The following PTPRA variants were observed in gnomAD, a reference collection of about 807,000 sequenced individuals.
The protein encoded by PTPRA is protein tyrosine phosphatase receptor type A.
A neutral mutation model predicts 104.8 loss-of-function variants in PTPRA; 25 were observed. The observed-to-expected ratio is 0.24, with a 90% CI of 0.17 to 0.33. The LOEUF (loss-of-function observed/expected upper bound fraction) is 0.33. PTPRA is among the 10% of genes least tolerant of loss of function. The pLI is 1.00. For synonymous variants in PTPRA, 323 were observed against 368.9 expected (o/e 0.88, Z 1.43); for missense variants, 765 against 1,015.3 (o/e 0.75, Z 3.35).
intron 1 of PTPRA, among the ~76,000 whole-genome samples, chr20:2,890,554 G>A (rs970837223): frequency 1.3e-5 from 2 of 152,158 alleles, no homozygotes; most frequent in African/African-American, 4.8e-5. Context: ...TCCCTCCCTA[G>A]TAGTTGATTT....
the PTPRA span, chr20:2,865,800 C>A: frequency 2.1e-6 from 1 of 483,462 alleles, no homozygotes; most frequent in South Asian, 2.3e-5. This position sits in a 1 kb window ranked among gnomAD's most constrained non-coding sequence, Gnocchi z 5.2. Flanking sequence ...GTGGAGGGGG[C>A]ACAGGGAGGG....
intron 2 of PTPRA, among the ~76,000 whole-genome samples, chr20:2,940,367 G>T (rs1159933826): frequency 1.3e-5 from 2 of 150,838 alleles, no homozygotes; most frequent in African/African-American, 4.9e-5. Flanking sequence ...TATCGCCTAG[G>T]CTGGACTTGA....
chr20:2,926,769 C>CTTTTTTTTTTTTTTTTTTTTTTTTTTT (rs777386962), intron 2 of PTPRA, among the ~76,000 whole-genome samples: 6 of 85,032 alleles, frequency 7.1e-5, no homozygotes, highest in African/African-American at 9.7e-5. Flanking sequence ...TTTCCTTTTC[C>CTTTTTTTTTTTTTTTTTTTTTTTTTTT]TTTTTTTTTT....
intron 5 of PTPRA, among the ~76,000 whole-genome samples, chr20:2,965,920 AC>A (rs1293767530): frequency 1.3e-5 from 2 of 152,086 alleles, no homozygotes; most frequent in African/African-American, 4.8e-5. Context: ...GATTAGAGAT[AC>A]CCTCAAAGGG....
chr20:3,032,587 A>G lies in PTPRA; in HGVS notation c.1921-2998A>G, dbSNP rs561918564. On this transcript the variant is annotated intron_variant, in intron 20 of 23. Transcript: ENST00000399903. ...TCGAGACCAGCCTGGCCAACATGGC[A>G]AAACCCCATCTCTACTAAAAATACA... Among the ~76,000 whole-genome samples, 734 of 151,316 alleles carry G rather than the reference A, an allele frequency of 4.9e-3. 8 individuals carry two copies. The highest frequency in any genetic ancestry group is 7.9e-3 in the African/African-American group (325 of 41,360).
chr20:2,928,653 T>C (rs1474643460), intron 2 of PTPRA, among the ~76,000 whole-genome samples: 1 of 152,076 alleles, frequency 6.6e-6, no homozygotes, highest in Admixed American at 6.5e-5. Flanking sequence ...CCTTAATAGA[T>C]CTGCAGACTC....
In PTPRA at chr20:2,876,185, C is replaced by G. The variant is rs373481702; in HGVS notation, c.-129+2425C>G. Among the ~76,000 whole-genome samples the G allele has an allele frequency of 5.9e-5, 9 of 152,338 alleles. No individual in the cohort carries two copies. In the South Asian group the frequency reaches 1.9e-3, roughly 32 times the overall value. ...TCTGACAGAGGTAGAGTCACAGCCT[C>G]TTAGACCCAGAGGAAGGTGTAGAGA... On this transcript the variant is annotated intron_variant, in intron 1 of 23. Coordinates refer to ENST00000399903, the MANE Select transcript of PTPRA (RefSeq NM_001385305.1).
intron 20 of PTPRA, among the ~76,000 whole-genome samples, chr20:3,032,519 G>A (rs2065517333): frequency 6.6e-6 from 1 of 152,088 alleles, no homozygotes; most frequent in Non-Finnish European, 1.5e-5. Flanking sequence ...TGTAATCCCA[G>A]CACTTTGGGA....
At chr20:3,032,486 G>A (rs1209857985) in intron 20 of PTPRA, among the ~76,000 whole-genome samples, 1 of 151,654 alleles carries the variant, frequency 6.6e-6, no homozygotes, top group South Asian at 2.1e-4. Context: ...GTTGGCTTTC[G>A]GCCGGGCGCG....
At chr20:3,001,731 G>T (rs1341363847) in intron 9 of PTPRA, among the ~76,000 whole-genome samples, 1 of 152,076 alleles carries the variant, frequency 6.6e-6, no homozygotes, top group East Asian at 1.9e-4. Flanking sequence ...CACAGCATAG[G>T]GTCAGGGGTA....
rs2061096083 is a variant in PTPRA at position 2,945,585 on chromosome 20, GTGT to G, written c.-49-2396_-49-2394del. On this transcript the variant is annotated intron_variant, in intron 2 of 23. Transcript: ENST00000399903. ...CGGAGCTTGATTATAATTGGCAGGT[GTGT>G]GTGTGTGTGTGTGTGTGTGTGTGTA... Among the ~76,000 whole-genome samples the G allele has an allele frequency of 1.9e-4, 4 of 21,596 alleles. No homozygotes were observed. The South Asian group carries it at 0.012, about 66-fold the overall frequency. The allele number at this position is 21,596 out of a possible 152,430, so 14.2% of individuals were successfully genotyped here. A position where few individuals can be genotyped will look rare whatever the true frequency, so the allele number is the denominator to read the frequency against.
chr20:2,875,224 G>A (rs1226790243), intron 1 of PTPRA, among the ~76,000 whole-genome samples: 1 of 151,994 alleles, frequency 6.6e-6, no homozygotes, highest in African/African-American at 2.4e-5. Context: ...TCTGATTCCC[G>A]GCTTCCCCAT....
At position 3,037,417 on chromosome 20, in the gene PTPRA, C is replaced by G; in HGVS notation, c.2334+128C>G. 1 of 1,387,592 alleles carries G rather than the reference C, an allele frequency of 7.2e-7. No individual in the cohort carries two copies. The highest frequency in any genetic ancestry group is 2.2e-5 in the Admixed American group (1 of 45,282). 86.0% of individuals were successfully genotyped at this position (1,387,592 alleles called of 1,614,324 possible). ...TAAACACAGACCTGCCCTTGCCCTC[C>G]CAAGGTGCCCCAAATACACAGGAAA... On this transcript the variant is annotated intron_variant, in intron 23 of 23. Transcript: ENST00000399903. This position sits in a 1 kb window ranked among gnomAD's most constrained non-coding sequence, Gnocchi z 4.3.
intron 2 of PTPRA, among the ~76,000 whole-genome samples, chr20:2,936,766 C>T (rs1368724704): frequency 2.0e-5 from 3 of 152,130 alleles, no homozygotes; most frequent in Non-Finnish European, 2.9e-5. Context: ...AACCATTACA[C>T]GTGGTCTAGT....
At chr20:2,972,576 TTC>T (rs1165154451) in intron 5 of PTPRA, among the ~76,000 whole-genome samples, 1 of 152,244 alleles carries the variant, frequency 6.6e-6, no homozygotes, top group Non-Finnish European at 1.5e-5. Context: ...ATTTAGAATT[TTC>T]TCTGTCTAGA....
intron 2 of PTPRA, 55 bp downstream of exon 2, chr20:2,923,340 C>CT (rs1568655092): frequency 1.7e-6 from 2 of 1,199,804 alleles, no homozygotes; most frequent in Non-Finnish European, 2.2e-6. Flanking sequence ...AAGTAGTGTC[C>CT]TTAAATAAAG....
intron 3 of PTPRA, among the ~76,000 whole-genome samples, chr20:2,961,409 G>T (rs1443034581): frequency 6.6e-6 from 1 of 152,116 alleles, no homozygotes; most frequent in Non-Finnish European, 1.5e-5. Context: ...CTTTTCAGAT[G>T]CTTATTTGCC....
chr20:2,964,930 A>C lies in PTPRA; in HGVS notation c.143A>C (p.Lys48Thr). ...GCAGAACCAGTTAAAGAAGAGGCCA[A>C]AACTTCAAATCCAACTTCTTCACTA... ...STAEPVKEEA[K>T]TSNPTSSLTS... The change falls in exon 5 of 24, where the codon AAA (lysine) becomes ACA (threonine). Residue 48 changes from lysine to threonine, a missense_variant. By Grantham distance (78) the Lys-to-Thr change is moderately conservative. Coordinates refer to ENST00000399903, the MANE Select transcript of PTPRA (RefSeq NM_001385305.1). 1 of 1,614,150 alleles carries C rather than the reference A, an allele frequency of 6.2e-7. No homozygotes were observed. The highest frequency in any genetic ancestry group is 8.5e-7 in the Non-Finnish European group (1 of 1,179,968).
intron 17 of PTPRA, among the ~76,000 whole-genome samples, chr20:3,026,286 G>T (rs573426839): frequency 1.9e-4 from 29 of 152,308 alleles, no homozygotes; most frequent in Non-Finnish European, 3.8e-4. Context: ...TGGTGTATGG[G>T]CTACACTTTG....
Sources: gnomAD v4.1 joint callset for allele counts (sites outside exome capture counted in the v4.1 genomes callset) on GRCh38, gnomAD v4.1.1 for gene constraint, Gnocchi (gnomAD v3.1) non-coding constraint, MANE v1.5 for transcripts, NCBI Gene and HGNC (gene_info 2026-07-23, HGNC 2026-07-21) for gene names.